UBE2R2: variants seen among roughly 807,000 people sequenced by gnomAD.
The protein encoded by UBE2R2 is ubiquitin-conjugating enzyme E2 R2.
UBE2R2 carries 1 observed loss-of-function variant against 27.8 expected under a neutral mutation model. That is an observed-to-expected ratio of 0.04 (90% confidence interval 0.01 to 0.17). The LOEUF is 0.17. UBE2R2 is among the 10% of genes least tolerant of loss of function. The probability of loss-of-function intolerance (pLI) is 1.00; values close to 1 mark genes in which losing one functional copy is unlikely to be tolerated. For missense variants in UBE2R2, 100 were observed against 291.0 expected (o/e 0.34, Z 4.78); for synonymous variants, 106 against 113.3 (o/e 0.94, Z 0.41).
At chr9:33,846,894 G>A (rs985356519) in intron 1 of UBE2R2, among the ~76,000 whole-genome samples, 4 of 151,770 alleles carry the variant, frequency 2.6e-5, no homozygotes, top group Admixed American at 2.6e-4. Flanking sequence ...TTATCTGAGA[G>A]ATTTTCCTTC....
intron 2 of UBE2R2, among the ~76,000 whole-genome samples, chr9:33,899,389 T>C (rs1822195403): frequency 6.7e-6 from 1 of 148,980 alleles, no homozygotes; most frequent in African/African-American, 2.5e-5. Flanking sequence ...GTTTTTGTTT[T>C]TTTGAGACGG....
intron 1 of UBE2R2, among the ~76,000 whole-genome samples, chr9:33,857,488 T>G (rs571559205): frequency 3.2e-4 from 49 of 151,942 alleles, no homozygotes; most frequent in African/African-American, 1.1e-3. Flanking sequence ...CTGGCTAGTT[T>G]TATATTTTTA....
chr9:33,874,346 CA>C (rs1461063795), intron 1 of UBE2R2, among the ~76,000 whole-genome samples: 3 of 152,018 alleles, frequency 2.0e-5, no homozygotes, highest in Non-Finnish European at 2.9e-5. Flanking sequence ...AGAAGATTCA[CA>C]AGTGAAAAAT....
intron 4 of UBE2R2, among the ~76,000 whole-genome samples, chr9:33,916,239 G>T (rs1822638313): frequency 6.6e-6 from 1 of 152,170 alleles, no homozygotes; most frequent in African/African-American, 2.4e-5. Context: ...TACTTGGGAG[G>T]CTGAGGCAGG....
chr9:33,890,227 A>G (rs1234608805), intron 2 of UBE2R2, among the ~76,000 whole-genome samples: 2 of 152,188 alleles, frequency 1.3e-5, no homozygotes, highest in East Asian at 1.9e-4. Context: ...GAATTTTTCT[A>G]CAATAAAATG....
intron 1 of UBE2R2, among the ~76,000 whole-genome samples, chr9:33,842,256 C>A (rs931133231): frequency 6.6e-6 from 1 of 152,044 alleles, no homozygotes; most frequent in African/African-American, 2.4e-5. Flanking sequence ...AAAAAATTAG[C>A]TGGGCATGGT....
chr9:33,868,385 C>A (rs1385653720), intron 1 of UBE2R2, among the ~76,000 whole-genome samples: 6 of 152,100 alleles, frequency 3.9e-5, no homozygotes, highest in Non-Finnish European at 2.9e-5. Context: ...GTCAGTTTGA[C>A]CTTAAAACCT....
At chr9:33,879,701 C>T (rs1218778054) in intron 1 of UBE2R2, among the ~76,000 whole-genome samples, 1 of 150,650 alleles carries the variant, frequency 6.6e-6, no homozygotes, top group African/African-American at 2.4e-5. Flanking sequence ...ACCTAGGCCT[C>T]CCAAAGTGCT....
intron 1 of UBE2R2, among the ~76,000 whole-genome samples, chr9:33,851,151 A>C (rs949634756): frequency 6.6e-6 from 1 of 152,132 alleles, no homozygotes; most frequent in Non-Finnish European, 1.5e-5. Context: ...TTTGGTAGGC[A>C]CTCTTTTTAA....
intron 3 of UBE2R2, among the ~76,000 whole-genome samples, chr9:33,910,833 T>C (rs1822467118): frequency 6.6e-6 from 1 of 152,228 alleles, no homozygotes; most frequent in Non-Finnish European, 1.5e-5. Flanking sequence ...CCAGGTGCGG[T>C]GGCTCATGCC....
chr9:33,837,521 G>A (rs1820641805), intron 1 of UBE2R2, among the ~76,000 whole-genome samples: 1 of 151,802 alleles, frequency 6.6e-6, no homozygotes, highest in Admixed American at 6.6e-5. Context: ...TGCCTCCTGG[G>A]CTCAAGAGAT....
At chr9:33,859,185 G>A (rs1821169865) in intron 1 of UBE2R2, among the ~76,000 whole-genome samples, 1 of 152,066 alleles carries the variant, frequency 6.6e-6, no homozygotes, top group Non-Finnish European at 1.5e-5. Context: ...GAGCAGTAAT[G>A]CATATACTTT....
chr9:33,878,830 A>T (rs1821670498), intron 1 of UBE2R2, among the ~76,000 whole-genome samples: 1 of 152,128 alleles, frequency 6.6e-6, no homozygotes, highest in South Asian at 2.1e-4. Flanking sequence ...GTGTGGTGAT[A>T]GTTGGGCACA....
At chr9:33,916,697 A>G (rs1822650117) in intron 4 of UBE2R2, among the ~76,000 whole-genome samples, 1 of 152,234 alleles carries the variant, frequency 6.6e-6, no homozygotes. Context: ...CTGATTCTTA[A>G]GTCGCCGACC....
chr9:33,912,623 CAA>C (rs1219104785), intron 4 of UBE2R2, among the ~76,000 whole-genome samples: 8 of 122,862 alleles, frequency 6.5e-5, no homozygotes, highest in Admixed American at 1.7e-4. Flanking sequence ...GACTCCATCT[CAA>C]AAAAAAAAAA....
intron 1 of UBE2R2, among the ~76,000 whole-genome samples, chr9:33,848,795 G>C (rs1404182943): frequency 6.6e-6 from 1 of 151,688 alleles, no homozygotes; most frequent in Non-Finnish European, 1.5e-5. Flanking sequence ...AGTAGAGACA[G>C]GTTTCACCAG....
chr9:33,887,822 A>G (rs1821896479), intron 2 of UBE2R2, among the ~76,000 whole-genome samples: 2 of 152,120 alleles, frequency 1.3e-5, no homozygotes, highest in African/African-American at 4.8e-5. Context: ...GATTACAGGC[A>G]TGCGCCACCA....
chr9:33,860,986 T>C (rs1821220295), intron 1 of UBE2R2, among the ~76,000 whole-genome samples: 1 of 145,640 alleles, frequency 6.9e-6, no homozygotes, highest in African/African-American at 2.5e-5. Flanking sequence ...TGAGACGGAG[T>C]CTCGCTCTGT....
intron 1 of UBE2R2, among the ~76,000 whole-genome samples, chr9:33,847,423 C>T (rs1231564520): frequency 6.6e-6 from 1 of 152,148 alleles, no homozygotes; most frequent in East Asian, 1.9e-4. Flanking sequence ...TTTAGTAATG[C>T]TATTATTGCT....
Sources: gnomAD v4.1 joint callset for allele counts (sites outside exome capture counted in the v4.1 genomes callset) on GRCh38, gnomAD v4.1.1 for gene constraint, MANE v1.5 for transcripts, NCBI Gene and HGNC (gene_info 2026-07-23, HGNC 2026-07-21) for gene names.